Variants in RUNX2 observed in about 807,000 individuals in gnomAD.
The protein encoded by RUNX2 is RUNX family transcription factor 2.
A neutral mutation model predicts 51.7 loss-of-function variants in RUNX2; 10 were observed. The ratio of observed to expected loss-of-function variants is 0.19; its 90% confidence interval spans 0.12 to 0.33. The LOEUF (loss-of-function observed/expected upper bound fraction) is 0.33. RUNX2 is among the 10% of genes least tolerant of loss of function. RUNX2 has a pLI of 1.00. For missense variants in RUNX2, 562 were observed against 691.3 expected, an observed-to-expected ratio of 0.81 and a Z score of 2.10; for synonymous variants, 276 against 273.6, an observed-to-expected ratio of 1.01 and a Z score of -0.09.
At chr6:45,403,255 C>T (rs373868301) in intron 2 of RUNX2, among the ~76,000 whole-genome samples, 12 of 107,086 alleles carry the variant, frequency 1.1e-4, no homozygotes, top group East Asian at 5.5e-4. Context: ...TTTTTTGAGA[C>T]GGAGTTTTGC....
At position 45,523,369 on chromosome 6, in the gene RUNX2, G is replaced by A. The variant is rs540266166; in HGVS notation, c.1021+10962G>A. ...CAACCTCCCCCTCCCAGGTTCAAGC[G>A]ATTCCCCTAACTCAGCCTTTCTAGG... is the stretch of plus-strand genomic sequence containing the variant. On this transcript the variant is annotated intron_variant, in intron 7 of 8. Transcript: ENST00000647337. 3.9e-5 allele frequency among the ~76,000 whole-genome samples: 6 copies of A among 152,018 alleles called. No homozygotes were observed. The East Asian group carries it at 9.8e-4, about 25-fold the overall frequency.
rs9357487 is a variant in RUNX2, at chr6:45,400,485, C to T, written c.59-22108C>T. On this transcript the variant is annotated intron_variant, in intron 2 of 8. Coordinates refer to ENST00000647337, the MANE Select transcript of RUNX2 (RefSeq NM_001024630.4). ...AATTTACTTGTCAACTGGTATTTGC[C>T]TGTTCCTTAAATGATCTAGATAAAT... Among the ~76,000 whole-genome samples, 1,326 of 152,230 alleles carry T rather than the reference C, an allele frequency of 8.7e-3. 71 individuals are homozygous for T. In the East Asian group the frequency reaches 0.1, roughly 12 times the overall value.
chr6:45,491,267 C>G (rs557956401), intron 5 of RUNX2, among the ~76,000 whole-genome samples: 52 of 152,288 alleles, frequency 3.4e-4, no homozygotes, highest in African/African-American at 1.2e-3. Context: ...AAAGCATTCT[C>G]TCTGATTTAA....
At chr6:45,381,389 AT>A (rs1437222094) in intron 2 of RUNX2, among the ~76,000 whole-genome samples, 5 of 152,178 alleles carry the variant, frequency 3.3e-5, no homozygotes, top group Admixed American at 3.3e-4. Context: ...TAATTTCAGC[AT>A]TTGTGCTACA....
In RUNX2 at chr6:45,389,855, C is replaced by G. The variant is rs577603552; in HGVS notation, c.59-32738C>G. On this transcript the variant is annotated intron_variant, in intron 2 of 8. Coordinates refer to ENST00000647337, the MANE Select transcript of RUNX2 (RefSeq NM_001024630.4). ...TGAAACCACGTCTCTACTAAAAATA[C>G]AAAAATTAGGTATGGTGGTGCACAC... Among the ~76,000 whole-genome samples the G allele has an allele frequency of 1.3e-4, 20 of 152,000 alleles. No individual in the cohort carries two copies. In the South Asian group the frequency reaches 3.9e-3, roughly 30 times the overall value.
chr6:45,504,949 C>G (rs910682809), intron 6 of RUNX2, among the ~76,000 whole-genome samples: 5 of 152,248 alleles, frequency 3.3e-5, no homozygotes, highest in Admixed American at 6.5e-5. Context: ...ACCTTGTTGC[C>G]CCAATACGGC....
chr6:45,414,710 T>C (rs1013851671), intron 2 of RUNX2, among the ~76,000 whole-genome samples: 4 of 151,224 alleles, frequency 2.6e-5, no homozygotes, highest in Non-Finnish European at 5.9e-5. Flanking sequence ...AGCATTTTGC[T>C]TTTCTGATTC....
chr6:45,333,737 C>T (rs1203865082), intron 2 of RUNX2, among the ~76,000 whole-genome samples: 1 of 151,218 alleles, frequency 6.6e-6, no homozygotes, highest in Admixed American at 6.6e-5. Flanking sequence ...AGGCTAGTTG[C>T]TACATAAGTA....
chr6:45,344,968 G>A (rs1158990670), intron 2 of RUNX2, among the ~76,000 whole-genome samples: 1 of 152,102 alleles, frequency 6.6e-6, no homozygotes, highest in African/African-American at 2.4e-5. Flanking sequence ...CTTCATTCTG[G>A]TGAGTTTAGA....
chr6:45,428,318 A>G lies in RUNX2; in HGVS notation c.424-3545A>G, dbSNP rs551533374. 5.3e-5 allele frequency among the ~76,000 whole-genome samples: 8 copies of G among 152,242 alleles called. No homozygotes were observed. The South Asian group carries it at 1.7e-3, about 32-fold the overall frequency. On this transcript the variant is annotated intron_variant, in intron 3 of 8. Coordinates refer to ENST00000647337, the MANE Select transcript of RUNX2 (RefSeq NM_001024630.4). Reference sequence around the variant, plus strand: ...CAAGGGAAACTTTTTAGCTTCAGAGATCTACTTAAAGAAAAAACCTCTCAA... The same window carrying G: ...CAAGGGAAACTTTTTAGCTTCAGAGGTCTACTTAAAGAAAAAACCTCTCAA...
chr6:45,485,691 GTGTGTGTA>G (rs1271379812), intron 5 of RUNX2, among the ~76,000 whole-genome samples: 5 of 82,172 alleles, frequency 6.1e-5, no homozygotes, highest in Non-Finnish European at 1.1e-4. Flanking sequence ...GTGTGTGTGT[GTGTGTGTA>G]TATATATATA....
intron 2 of RUNX2, among the ~76,000 whole-genome samples, chr6:45,365,513 A>G (rs1487016816): frequency 2.0e-5 from 3 of 151,840 alleles, no homozygotes; most frequent in Non-Finnish European, 2.9e-5. Flanking sequence ...ATGTCAGCCA[A>G]TTACTCACTT....
intron 6 of RUNX2, among the ~76,000 whole-genome samples, chr6:45,511,589 G>A (rs1336122568): frequency 4.0e-5 from 6 of 151,898 alleles, no homozygotes; most frequent in Admixed American, 2.6e-4. Context: ...TGAGAGTAAC[G>A]TAACTGGCTT....
chr6:45,407,702 G>T (rs892269475), intron 2 of RUNX2, among the ~76,000 whole-genome samples: 1 of 151,622 alleles, frequency 6.6e-6, no homozygotes, highest in Non-Finnish European at 1.5e-5. Context: ...GTCTCGCTAT[G>T]TTGCCCAGGC....
chr6:45,449,671 C>T (rs1380931867), intron 5 of RUNX2, among the ~76,000 whole-genome samples: 1 of 152,114 alleles, frequency 6.6e-6, no homozygotes, highest in African/African-American at 2.4e-5. Context: ...GTACAGAAGT[C>T]AAAGTTATAA....
At chr6:45,523,890 C>T (rs187387770) in intron 7 of RUNX2, among the ~76,000 whole-genome samples, 43 of 152,000 alleles carry the variant, frequency 2.8e-4, no homozygotes, top group Non-Finnish European at 5.0e-4. Flanking sequence ...TGAGATCATG[C>T]CACTGCACTC....
At chr6:45,533,888 C>CTTT (rs553154980) in intron 7 of RUNX2, among the ~76,000 whole-genome samples, 70 of 108,062 alleles carry the variant, frequency 6.5e-4, no homozygotes, top group Non-Finnish European at 8.1e-4. Flanking sequence ...CCTGTTGAGA[C>CTTT]TTTTTTTTTT....
chr6:45,478,102 G>A (rs1800007544), intron 5 of RUNX2, among the ~76,000 whole-genome samples: 1 of 152,106 alleles, frequency 6.6e-6, no homozygotes, highest in South Asian at 2.1e-4. Flanking sequence ...CTCAAACGCT[G>A]TCTCCTCTGG....
intron 7 of RUNX2, among the ~76,000 whole-genome samples, chr6:45,542,919 CAG>C (rs1802276737): frequency 2.0e-5 from 3 of 152,100 alleles, no homozygotes; most frequent in Non-Finnish European, 2.9e-5. Flanking sequence ...ATTTGTCAAA[CAG>C]GGGTTAGATT....
Sources: gnomAD v4.1 joint callset for allele counts (sites outside exome capture counted in the v4.1 genomes callset) on GRCh38, gnomAD v4.1.1 for gene constraint, MANE v1.5 for transcripts, NCBI Gene and HGNC (gene_info 2026-07-23, HGNC 2026-07-21) for gene names.